Variants in DENND1B observed in about 807,000 individuals in gnomAD.
The protein encoded by DENND1B is DENN domain-containing protein 1B.
Under a neutral mutation model 90.1 loss-of-function variants are expected in DENND1B, and 59 were observed. The observed-to-expected ratio is 0.65, with a 90% confidence interval of 0.53 to 0.81. The LOEUF (loss-of-function observed/expected upper bound fraction) is 0.81, where lower values mean the gene tolerates loss of function less well. Ranked by LOEUF, DENND1B falls within the 40% of genes least tolerant of loss-of-function variation. The probability of loss-of-function intolerance (pLI) is 0.00; values close to 1 mark genes in which losing one functional copy is unlikely to be tolerated. For missense variants in DENND1B, 862 were observed against 912.6 expected (o/e 0.94, Z 0.71); for synonymous variants, 337 against 324.6 (o/e 1.04, Z -0.41).
intron 13 of DENND1B, among the ~76,000 whole-genome samples, chr1:197,602,418 G>C (rs1676291843): frequency 6.6e-6 from 1 of 151,386 alleles, no homozygotes; most frequent in African/African-American, 2.4e-5. Flanking sequence ...AGCAATATTT[G>C]TCTCCTGAAG....
At chr1:197,605,260 C>T (rs1676568475) in intron 13 of DENND1B, among the ~76,000 whole-genome samples, 1 of 150,778 alleles carries the variant, frequency 6.6e-6, no homozygotes, top group Non-Finnish European at 1.5e-5. Flanking sequence ...TATTTAAATA[C>T]TTACATGTGT....
intron 10 of DENND1B, among the ~76,000 whole-genome samples, chr1:197,636,204 G>A (rs976754056): frequency 1.4e-4 from 21 of 152,086 alleles, no homozygotes; most frequent in African/African-American, 3.4e-4. Flanking sequence ...AATGGAAAAT[G>A]AGAGGTCCAA....
chr1:197,674,257 G>GA (rs1228246042), intron 3 of DENND1B, 88 bp from the exon 4 acceptor site: 2 of 905,106 alleles, frequency 2.2e-6, no homozygotes, highest in African/African-American at 1.7e-5. Context: ...TTTTCTAGGA[G>GA]AAAAAGATGC....
chr1:197,680,095 G>C lies in DENND1B; in HGVS notation c.127-5926C>G, dbSNP rs11802940. Among the ~76,000 whole-genome samples the C allele has an allele frequency of 5.8e-3, 881 of 152,158 alleles. 9 individuals carry two copies. Among genetic ancestry groups the C allele is most frequent in the African/African-American group, 0.02 (814 of 41,534 alleles). On this transcript the variant is annotated intron_variant, in intron 3 of 22. Transcript: ENST00000620048. ...AGCCCTGGAGGTGATCGCACTACTTGACTCCACTTCACTAGGTGACAGGGA... is the reference window on the plus strand; with the variant it reads ...AGCCCTGGAGGTGATCGCACTACTTCACTCCACTTCACTAGGTGACAGGGA...
intron 19 of DENND1B, 122 bp from the exon 20 acceptor site, chr1:197,540,193 G>A (rs1433105325): frequency 2.2e-6 from 1 of 459,172 alleles, no homozygotes; most frequent in Non-Finnish European, 3.7e-6. Context: ...TCAGCTTTAA[G>A]TGTAAAGAAT....
At chr1:197,761,244 T>G in intron 2 of DENND1B, among the ~76,000 whole-genome samples, 1 of 152,152 alleles carries the variant, frequency 6.6e-6, no homozygotes, top group Non-Finnish European at 1.5e-5. Context: ...CTGCTTATAA[T>G]TATTAAACAG....
intron 10 of DENND1B, among the ~76,000 whole-genome samples, chr1:197,620,250 G>A (rs988674727): frequency 6.6e-5 from 10 of 151,092 alleles, no homozygotes; most frequent in Non-Finnish European, 1.5e-4. Flanking sequence ...TGATAGCAAA[G>A]TTGCAAGTAA....
intron 15 of DENND1B, among the ~76,000 whole-genome samples, chr1:197,556,736 C>T (rs1180302531): frequency 2.0e-5 from 3 of 151,816 alleles, no homozygotes; most frequent in Admixed American, 2.0e-4. Flanking sequence ...ATAAAAATAC[C>T]TTATGCGGTA....
At chr1:197,544,186 C>A (rs1291865636) in intron 18 of DENND1B, among the ~76,000 whole-genome samples, 4 of 152,162 alleles carry the variant, frequency 2.6e-5, no homozygotes, top group Non-Finnish European at 5.9e-5. Flanking sequence ...GTTGAGAAGA[C>A]AAAAATATGT....
At chr1:197,729,053 T>A (rs1661910741) in intron 2 of DENND1B, among the ~76,000 whole-genome samples, 1 of 152,140 alleles carries the variant, frequency 6.6e-6, no homozygotes, top group Non-Finnish European at 1.5e-5. Context: ...TCTGAAATCC[T>A]ATGTTCACTT....
intron 2 of DENND1B, chr1:197,747,064 A>AAATACTCCAAAAT (rs1652791465): frequency 5.1e-6 from 4 of 783,728 alleles, no homozygotes; most frequent in Admixed American, 1.7e-5. Flanking sequence ...ATACTGAGTA[A>AAATACTCCAAAAT]GCTCCTTCCA....
intron 2 of DENND1B, among the ~76,000 whole-genome samples, chr1:197,763,819 C>G (rs1251498910): frequency 6.6e-6 from 1 of 152,178 alleles, no homozygotes; most frequent in African/African-American, 2.4e-5. Flanking sequence ...GCTATATGCA[C>G]TATACAACCT....
chr1:197,778,854 T>C (rs1202539712), upstream of DENND1B, among the ~76,000 whole-genome samples: 1 of 152,206 alleles, frequency 6.6e-6, no homozygotes, highest in African/African-American at 2.4e-5. Flanking sequence ...GTTTGGAAGT[T>C]ATTTACTCTG....
chr1:197,568,156 G>A (rs1359953820), intron 15 of DENND1B, among the ~76,000 whole-genome samples: 1 of 151,966 alleles, frequency 6.6e-6, no homozygotes, highest in African/African-American at 2.4e-5. Context: ...AGCAAAATCA[G>A]TAATGTAGCA....
chr1:197,771,161 C>T (rs1489600364), intron 2 of DENND1B, among the ~76,000 whole-genome samples: 1 of 152,058 alleles, frequency 6.6e-6, no homozygotes, highest in Non-Finnish European at 1.5e-5. Context: ...ATCTGTCCAC[C>T]TCGGCCTCCA....
In DENND1B at chr1:197,607,053, T is replaced by C; in HGVS notation, c.921+20A>G. The C allele has an allele frequency of 6.4e-7, 1 of 1,562,190 alleles. No homozygotes were observed. The highest frequency in any genetic ancestry group is 8.8e-7 in the Non-Finnish European group (1 of 1,137,322). ...AGGAGAAAACATATATGTTCACCAC[T>C]GAATAGCCTTCATACTTACCACATC... On this transcript the variant is annotated intron_variant, in intron 13 of 22. Transcript: ENST00000620048.
intron 2 of DENND1B, among the ~76,000 whole-genome samples, chr1:197,758,192 A>G (rs899692211): frequency 6.6e-6 from 1 of 152,182 alleles, no homozygotes; most frequent in African/African-American, 2.4e-5. Flanking sequence ...TCTCTGCTAA[A>G]TATCCTTTTC....
intron 3 of DENND1B, among the ~76,000 whole-genome samples, chr1:197,707,246 G>A (rs1222072572): frequency 2.6e-5 from 4 of 152,152 alleles, no homozygotes; most frequent in African/African-American, 9.7e-5. Flanking sequence ...GTGGTTACTA[G>A]AGGCTGAGAA....
chr1:197,751,781 T>G (rs778889160), intron 2 of DENND1B, among the ~76,000 whole-genome samples: 3 of 150,272 alleles, frequency 2.0e-5, no homozygotes, highest in Non-Finnish European at 3.0e-5. Flanking sequence ...GAGGCGGAGG[T>G]TGCAGTGAGC....
Sources: gnomAD v4.1 joint callset for allele counts (sites outside exome capture counted in the v4.1 genomes callset) on GRCh38, gnomAD v4.1.1 for gene constraint, MANE v1.5 for transcripts, NCBI Gene and HGNC (gene_info 2026-07-23, HGNC 2026-07-21) for gene names.